The following EPHA6 variants were observed in gnomAD, a reference collection of about 807,000 sequenced individuals.
The protein encoded by EPHA6 is EPH receptor A6, also known as ephrin type-A receptor 6.
EPHA6 carries 50 observed loss-of-function variants against 112.0 expected under a neutral mutation model. The observed-to-expected ratio is 0.45, with a 90% CI of 0.36 to 0.56. The LOEUF (loss-of-function observed/expected upper bound fraction) is 0.56, where lower values mean the gene tolerates loss of function less well. Ranked by LOEUF, EPHA6 falls within the 20% of genes least tolerant of loss-of-function variation. The pLI, the probability that EPHA6 is intolerant of heterozygous loss-of-function variation, is 0.00. For synonymous variants in EPHA6, 529 were observed against 490.7 expected, an observed-to-expected ratio of 1.08 and a Z score of -1.03; for missense variants, 1,280 against 1,417.4, an observed-to-expected ratio of 0.90 and a Z score of 1.56.
chr3:97,060,923 CAAAAAAAAAAAAA>C (rs71623565), intron 3 of EPHA6, among the ~76,000 whole-genome samples: 1 of 21,224 alleles, frequency 4.7e-5, no homozygotes, highest in Non-Finnish European at 1.1e-4. Flanking sequence ...GACTCCGTCT[CAAAAAAAAAAAAA>C]AAAAAAAAAA....
At chr3:97,680,712 C>G (rs1432341696) in intron 14 of EPHA6, among the ~76,000 whole-genome samples, 4 of 152,062 alleles carry the variant, frequency 2.6e-5, no homozygotes, top group Non-Finnish European at 5.9e-5. Context: ...AGTGTCAAAC[C>G]CAGCTTGTGG....
chr3:96,906,232 T>C (rs951354934), intron 2 of EPHA6, among the ~76,000 whole-genome samples: 1 of 151,978 alleles, frequency 6.6e-6, no homozygotes, highest in African/African-American at 2.4e-5. Flanking sequence ...CCCCCTACTT[T>C]CTCTCTCTGT....
intron 2 of EPHA6, among the ~76,000 whole-genome samples, chr3:96,939,129 T>G (rs116831540): frequency 0.069 from 10,535 of 152,278 alleles, 723 homozygotes; most frequent in Admixed American, 0.21. Flanking sequence ...ATAAAGTAAG[T>G]GAGGGAGGAT....
intron 1 of EPHA6, among the ~76,000 whole-genome samples, chr3:96,831,904 G>A (rs1442766716): frequency 1.3e-5 from 2 of 152,016 alleles, no homozygotes; most frequent in Non-Finnish European, 2.9e-5. Flanking sequence ...TTATTCATCA[G>A]TCCCCTTGGG....
chr3:97,139,856 C>T (rs1010879968), intron 3 of EPHA6, among the ~76,000 whole-genome samples: 3 of 151,982 alleles, frequency 2.0e-5, no homozygotes, highest in East Asian at 1.9e-4. Context: ...AAAATGACAA[C>T]GAATTCCAAA....
chr3:97,383,337 C>T (rs185480044), intron 5 of EPHA6, among the ~76,000 whole-genome samples: 1 of 152,086 alleles, frequency 6.6e-6, no homozygotes. Context: ...TATCCGGAAA[C>T]ACTGAATGAA....
At chr3:96,895,774 G>A (rs764563643) in intron 2 of EPHA6, among the ~76,000 whole-genome samples, 8 of 152,254 alleles carry the variant, frequency 5.3e-5, no homozygotes, top group Admixed American at 2.6e-4. Context: ...GGCATCCCCT[G>A]GTTTATAGGT....
intron 10 of EPHA6, among the ~76,000 whole-genome samples, chr3:97,491,808 T>A (rs775023203): frequency 1.3e-5 from 2 of 151,932 alleles, no homozygotes; most frequent in Non-Finnish European, 2.9e-5. Context: ...GGGCTGTCAT[T>A]AATCCCACAG....
Position 96,935,471 on chromosome 3 carries a change from A to G in EPHA6, c.451-51859A>G, listed in dbSNP as rs141873858. On this transcript the variant is annotated intron_variant, in intron 2 of 17. Transcript: ENST00000389672. Reference sequence around the variant, plus strand: ...TATATAAAACTATTATAGGTATTCTACATGGACATACTTTCTCTTACATAA... The same window carrying G: ...TATATAAAACTATTATAGGTATTCTGCATGGACATACTTTCTCTTACATAA... Among the ~76,000 whole-genome samples, 378 of 150,804 alleles carry G rather than the reference A, an allele frequency of 2.5e-3. 4 individuals are homozygous for G. The highest frequency in any genetic ancestry group is 8.9e-3 in the African/African-American group (370 of 41,384).
At chr3:97,173,906 T>C (rs1476713139) in intron 3 of EPHA6, among the ~76,000 whole-genome samples, 1 of 151,802 alleles carries the variant, frequency 6.6e-6, no homozygotes, top group East Asian at 1.9e-4. Flanking sequence ...ACATTATTTA[T>C]TTTAAAATAT....
chr3:97,188,563 A>G (rs1470766972), intron 3 of EPHA6, among the ~76,000 whole-genome samples: 1 of 151,978 alleles, frequency 6.6e-6, no homozygotes, highest in Non-Finnish European at 1.5e-5. Context: ...GAAAGAAATA[A>G]ATACAGCAAA....
chr3:96,898,395 A>G (rs1250875855), intron 2 of EPHA6, among the ~76,000 whole-genome samples: 4 of 152,190 alleles, frequency 2.6e-5, no homozygotes, highest in East Asian at 1.9e-4. Flanking sequence ...AGCGTAAACA[A>G]TGGAGGATAG....
chr3:97,307,652 G>T (rs1270723463), intron 5 of EPHA6, among the ~76,000 whole-genome samples: 3 of 149,360 alleles, frequency 2.0e-5, no homozygotes, highest in African/African-American at 7.4e-5. Context: ...CTTAGAGTCA[G>T]ATTTATGGCA....
intron 11 of EPHA6, chr3:97,590,314 G>T (rs1357950219): frequency 6.6e-6 from 1 of 152,140 alleles, no homozygotes; most frequent in African/African-American, 2.4e-5. Flanking sequence ...TATGAATGAT[G>T]CAGGAAGCTT....
intron 5 of EPHA6, among the ~76,000 whole-genome samples, chr3:97,267,089 T>C (rs1158148230): frequency 6.6e-6 from 1 of 152,156 alleles, no homozygotes; most frequent in Non-Finnish European, 1.5e-5. Context: ...GAAAATTAGT[T>C]GCCTACACTT....
intron 14 of EPHA6, among the ~76,000 whole-genome samples, chr3:97,641,165 T>C (rs902838044): frequency 1.3e-5 from 2 of 152,158 alleles, no homozygotes; most frequent in South Asian, 2.1e-4. Context: ...TAAAAGAAGA[T>C]ATTCTATTAT....
intron 12 of EPHA6, among the ~76,000 whole-genome samples, chr3:97,594,821 C>T (rs929848959): frequency 2.0e-5 from 3 of 152,206 alleles, no homozygotes; most frequent in Non-Finnish European, 1.5e-5. Context: ...ATGGCCCATA[C>T]TATGACACTT....
At chr3:97,309,285 A>G (rs1405212713) in intron 5 of EPHA6, among the ~76,000 whole-genome samples, 1 of 151,680 alleles carries the variant, frequency 6.6e-6, no homozygotes, top group Non-Finnish European at 1.5e-5. Context: ...ATTGGAAAGA[A>G]CACTGGACAA....
At chr3:97,122,692 GT>G (rs1328401678) in intron 3 of EPHA6, among the ~76,000 whole-genome samples, 3 of 151,952 alleles carry the variant, frequency 2.0e-5, no homozygotes. Flanking sequence ...TAGAGAATGT[GT>G]TTTTGTCACC....
Sources: allele counts gnomAD v4.1 joint callset (sites outside exome capture counted in the v4.1 genomes callset), GRCh38; gene constraint gnomAD v4.1.1; transcripts MANE v1.5; gene names NCBI Gene and HGNC (gene_info 2026-07-23, HGNC 2026-07-21).